The following CD28 variants were observed in gnomAD, a reference collection of about 807,000 sequenced individuals.
The protein encoded by CD28 is T-cell-specific surface glycoprotein CD28.
CD28 carries 8 observed loss-of-function variants against 21.4 expected under a neutral mutation model. The observed-to-expected ratio is 0.37, with a 90% CI of 0.22 to 0.68. The LOEUF (loss-of-function observed/expected upper bound fraction) is 0.68, where lower values mean the gene tolerates loss of function less well. Among genes scored for constraint, CD28 ranks in the 30% least tolerant of loss-of-function variants. The pLI, the probability that CD28 is intolerant of heterozygous loss-of-function variation, is 0.55. For missense variants in CD28, 239 were observed against 272.2 expected (o/e 0.88, Z 0.86); for synonymous variants, 106 against 104.0 (o/e 1.02, Z -0.12).
chr2:203,727,838 C>G (rs1693793706), intron 2 of CD28, among the ~76,000 whole-genome samples: 1 of 152,172 alleles, frequency 6.6e-6, no homozygotes, highest in African/African-American at 2.4e-5. Flanking sequence ...TGCCACCATG[C>G]CCGGCTAATT....
At chr2:203,714,833 G>C (rs552611155) in intron 1 of CD28, among the ~76,000 whole-genome samples, 182 of 152,284 alleles carry the variant, frequency 1.2e-3, no homozygotes, top group Non-Finnish European at 2.2e-3. Flanking sequence ...TGCTAACCAG[G>C]ATCCTAAATG....
chr2:203,723,228 C>G (rs879361829), intron 1 of CD28, among the ~76,000 whole-genome samples: 1 of 152,116 alleles, frequency 6.6e-6, no homozygotes, highest in Admixed American at 6.5e-5. Context: ...AATCACATAT[C>G]TGATAAGAAA....
At chr2:203,722,259 G>C (rs531729959) in intron 1 of CD28, among the ~76,000 whole-genome samples, 10 of 152,150 alleles carry the variant, frequency 6.6e-5, no homozygotes, top group Admixed American at 1.3e-4. Flanking sequence ...TGCTGGAGTT[G>C]GTTGCTCTTC....
chr2:203,738,372 AGAT>A lies in CD28; in HGVS notation c.*3462_*3464del, dbSNP rs940316447. 2 of 152,310 alleles carry A rather than the reference AGAT, an allele frequency of 1.3e-5. No individual in the cohort carries two copies. The highest frequency in any genetic ancestry group is 4.8e-5 in the African/African-American group (2 of 41,548). 9.4% of individuals were successfully genotyped at this position (152,310 alleles called of 1,614,324 possible). ...AATTCAACTACATGCTGGAGATTAGAGATGGTGCCAATAAAGGACCCAGAACCA... is the reference window on the plus strand; with the variant it reads ...AATTCAACTACATGCTGGAGATTAGAGGTGCCAATAAAGGACCCAGAACCA... On this transcript the variant is annotated 3_prime_UTR_variant, in exon 4 of 4. Coordinates refer to ENST00000324106, the MANE Select transcript of CD28 (RefSeq NM_006139.4).
In CD28 at chr2:203,737,568, A is replaced by G. The variant is rs1242715975; in HGVS notation, c.*2656A>G. The G allele has an allele frequency of 6.5e-6, 1 of 152,682 alleles. No homozygotes were observed. The highest frequency in any genetic ancestry group is 1.5e-5 in the Non-Finnish European group (1 of 68,056). The allele number at this position is 152,682 out of a possible 1,614,324, so 9.5% of individuals were successfully genotyped here. On this transcript the variant is annotated 3_prime_UTR_variant, in exon 4 of 4. Coordinates refer to ENST00000324106, the MANE Select transcript of CD28 (RefSeq NM_006139.4). Reference sequence around the variant, plus strand: ...CACAGAAACAAAGAAGAAATGTTATACAGGGAAGTCCGTTTTCACTATTAG... The same window carrying G: ...CACAGAAACAAAGAAGAAATGTTATGCAGGGAAGTCCGTTTTCACTATTAG...
chr2:203,720,994 A>G (rs180735017), intron 1 of CD28, among the ~76,000 whole-genome samples: 1 of 152,338 alleles, frequency 6.6e-6, no homozygotes, highest in East Asian at 1.9e-4. Flanking sequence ...TGAATTATTG[A>G]CATGAACCAA....
chr2:203,724,919 C>A (rs965495043), intron 1 of CD28, among the ~76,000 whole-genome samples: 1 of 151,706 alleles, frequency 6.6e-6, no homozygotes, highest in South Asian at 2.1e-4. Flanking sequence ...ATTAACATAC[C>A]CCAAAACAAG....
At chr2:203,723,703 G>C (rs996317923) in intron 1 of CD28, among the ~76,000 whole-genome samples, 1 of 152,128 alleles carries the variant, frequency 6.6e-6, no homozygotes, top group African/African-American at 2.4e-5. Context: ...ATCACTTCAC[G>C]TCCACCAGGA....
At position 203,734,990 on chromosome 2, in the gene CD28, G is replaced by A. The variant is rs200161233; in HGVS notation, c.*78G>A. 1,153 of 1,529,398 alleles carry A rather than the reference G, an allele frequency of 7.5e-4. 4 individuals carry two copies. The African/African-American group carries it at 8.4e-3, about 11-fold the overall frequency. 94.7% of individuals were successfully genotyped at this position (1,529,398 alleles called of 1,614,324 possible). A position where few individuals can be genotyped will look rare whatever the true frequency, so the allele number is the denominator to read the frequency against. On this transcript the variant is annotated 3_prime_UTR_variant, in exon 4 of 4. Transcript: ENST00000324106. Reference sequence around the variant, plus strand: ...TCACTGCTCTGGATAGGAAATGACCGCCATCTCCAGCCGGCCACCTCAGGC... The same window carrying A: ...TCACTGCTCTGGATAGGAAATGACCACCATCTCCAGCCGGCCACCTCAGGC...
chr2:203,726,692 C>A lies in CD28; in HGVS notation c.112C>A (p.Leu38Ile). Reference protein sequence around the residue: ...MLVAYDNAVNLSCKYSYNLFS... With the variant: ...MLVAYDNAVNISCKYSYNLFS... ...TGTAGCGTACGACAATGCGGTCAAC[C>A]TTAGCTGCAAGTATTCCTACAATCT... Residue 38 changes from leucine (L) to isoleucine (I), a missense_variant, in exon 2 of 4, where the codon CTT becomes ATT. Leu to Ile is a conservative substitution (Grantham distance 5, BLOSUM62 2). Around this residue, in one of 3 missense-constraint regions of CD28, gnomAD observed 104 missense variants for 108.5 expected, o/e 0.96. Coordinates refer to ENST00000324106, the MANE Select transcript of CD28 (RefSeq NM_006139.4). The A allele has an allele frequency of 6.2e-7, 1 of 1,614,068 alleles. No individual in the cohort carries two copies. The highest frequency in any genetic ancestry group is 8.5e-7 in the Non-Finnish European group (1 of 1,180,000).
Position 203,726,947 on chromosome 2 carries a change from C to T in CD28, c.367C>T (p.Leu123=), listed in dbSNP as rs1693769140. 1.2e-6 allele frequency: 2 copies of T among 1,610,376 alleles called. No individual in the cohort carries two copies. Among genetic ancestry groups the T allele is most frequent in the Non-Finnish European group, 1.7e-6 (2 of 1,176,634 alleles). ...KIEVMYPPPY[L]DNEKSNGTII... is the part of the protein sequence containing the mutation. Reference sequence around the variant, plus strand: ...TGAAGTTATGTATCCTCCTCCTTACCTAGACAATGAGAAGAGCAATGGAAC... The same window carrying T: ...TGAAGTTATGTATCCTCCTCCTTACTTAGACAATGAGAAGAGCAATGGAAC... Residue 123 remains leucine, a synonymous_variant, in exon 2 of 4, where the codon CTA becomes TTA. Transcript: ENST00000324106.
intron 1 of CD28, among the ~76,000 whole-genome samples, chr2:203,709,433 T>C (rs1693254816): frequency 2.0e-5 from 3 of 152,250 alleles, no homozygotes. Context: ...GTTTACAGCA[T>C]AGCTTAAAAT....
intron 1 of CD28, among the ~76,000 whole-genome samples, chr2:203,713,482 C>T (rs1180449195): frequency 1.3e-5 from 2 of 152,044 alleles, no homozygotes; most frequent in African/African-American, 4.8e-5. Flanking sequence ...TAGTGGAATG[C>T]CACTAAGCCA....
chr2:203,718,829 G>A (rs938271287), intron 1 of CD28, among the ~76,000 whole-genome samples: 5 of 152,226 alleles, frequency 3.3e-5, no homozygotes, highest in Non-Finnish European at 1.5e-5. Flanking sequence ...AGACTGAAAT[G>A]TGATTTCATG....
intron 2 of CD28, among the ~76,000 whole-genome samples, chr2:203,729,414 G>A (rs1263624067): frequency 1.3e-5 from 2 of 152,182 alleles, no homozygotes; most frequent in East Asian, 1.9e-4. Flanking sequence ...GTGAATACAA[G>A]TCTACCAGTG....
intron 1 of CD28, among the ~76,000 whole-genome samples, chr2:203,725,372 C>CT (rs1290853291): frequency 1.3e-5 from 2 of 151,608 alleles, no homozygotes; most frequent in Non-Finnish European, 2.9e-5. Context: ...CTTCAGTGGT[C>CT]TATTTCTCAG....
intron 1 of CD28, among the ~76,000 whole-genome samples, chr2:203,713,869 G>C (rs1174932756): frequency 2.7e-5 from 4 of 146,232 alleles, no homozygotes; most frequent in South Asian, 2.1e-4. Context: ...GAGAGAGAGA[G>C]AGAGAGACAG....
intron 2 of CD28, 56 bp from the exon 3 acceptor site, chr2:203,729,591 GA>G: frequency 6.4e-7 from 1 of 1,553,102 alleles, no homozygotes; most frequent in Non-Finnish European, 8.8e-7. Context: ...CACAAGGAAG[GA>G]AATGCACTCA....
chr2:203,729,579 T>A, intron 2 of CD28, 69 bp from the exon 3 acceptor site: 1 of 1,476,852 alleles, frequency 6.8e-7, no homozygotes, highest in Non-Finnish European at 9.3e-7. Flanking sequence ...TTCTCTGATG[T>A]TCACAAGGAA....
Sources: gnomAD v4.1 joint callset for allele counts (sites outside exome capture counted in the v4.1 genomes callset) on GRCh38, gnomAD v4.1.1 for gene constraint, gnomAD v4.1.1 regional missense constraint, MANE v1.5 for transcripts, NCBI Gene and HGNC (gene_info 2026-07-23, HGNC 2026-07-21) for gene names.